EMC1: variants seen among roughly 807,000 people sequenced by gnomAD.
EMC1 encodes the protein ER membrane protein complex subunit 1, also known as KIAA0090.
Under a neutral mutation model 128.8 loss-of-function variants are expected in EMC1, and 103 were observed. That is an observed-to-expected ratio of 0.80 (90% confidence interval 0.68 to 0.94). The LOEUF (loss-of-function observed/expected upper bound fraction) is 0.94. Ranked by LOEUF, EMC1 falls within the 40% of genes least tolerant of loss-of-function variation. The pLI, the probability that EMC1 is intolerant of heterozygous loss-of-function variation, is 0.00. For synonymous variants in EMC1, 442 were observed against 490.4 expected (o/e 0.90, Z 1.30); for missense variants, 1,083 against 1,250.6 (o/e 0.87, Z 2.02).
intron 21 of EMC1, 121 bp from the exon 22 acceptor site, chr1:19,219,819 T>C (rs2093417833): frequency 9.1e-7 from 1 of 1,099,740 alleles, no homozygotes; most frequent in Non-Finnish European, 1.3e-6. Context: ...TCCTAGGAGG[T>C]CTGCTTGCAT....
chr1:19,233,175 G>C, intron 13 of EMC1, 40 bp from the exon 14 acceptor site: 1 of 1,555,758 alleles, frequency 6.4e-7, no homozygotes, highest in Non-Finnish European at 8.8e-7. Context: ...CATCAGACTA[G>C]GGGTCCATAA....
rs1035699101 is a variant in EMC1, at chr1:19,231,393, G to A, written c.1812C>T (p.Phe604=). 1.2e-6 allele frequency: 2 copies of A among 1,612,464 alleles called. No individual in the cohort carries two copies. The highest frequency in any genetic ancestry group is 1.3e-5 in the African/African-American group (1 of 74,882). ...GACTCCACTTCCCAAAAATGGGATT[G>A]AAGACATACAGAGAACTCATTCCCG... ...KESGMSSLYV[F]NPIFGKWSQV... Residue 604 remains phenylalanine, a synonymous_variant, in exon 16 of 23, where the codon TTC becomes TTT. Coordinates refer to ENST00000477853, the MANE Select transcript of EMC1 (RefSeq NM_015047.3).
Position 19,222,791 on chromosome 1 carries a change from A to G in EMC1, c.2420T>C (p.Val807Ala), listed in dbSNP as rs543457208. 4 of 1,613,740 alleles carry G rather than the reference A, an allele frequency of 2.5e-6. No homozygotes were observed. The African/African-American group carries it at 4.0e-5, about 16-fold the overall frequency. The change falls in exon 20 of 23, where the codon GTA becomes GCA. Residue 807 changes from valine (V) to alanine (A), a missense_variant. Val to Ala is a moderately conservative substitution (Grantham distance 64, BLOSUM62 0). This residue lies in a region of EMC1 where 527 missense variants were observed against 644.1 expected (regional missense o/e 0.82). Coordinates refer to ENST00000477853, the MANE Select transcript of EMC1 (RefSeq NM_015047.3). ...CTCAGTGCCCTCATAGAGCTCCAGT[A>G]CGGTAAACTCGTTGCGCCGAGCCTT... ...NTKARRNEFT[V>A]LELYEGTEQY...
In EMC1 at chr1:19,218,387, T is replaced by C. The variant is rs1410375479; in HGVS notation, c.*916A>G. 1 of 152,134 alleles carries C rather than the reference T, an allele frequency of 6.6e-6. No individual in the cohort carries two copies. The highest frequency in any genetic ancestry group is 1.5e-5 in the Non-Finnish European group (1 of 68,030). 9.4% of individuals were successfully genotyped at this position (152,134 alleles called of 1,614,324 possible). ...AAATTTCCTCATTTAAGGAGAAATATAATGACCCACATGTTAATTTATATT... is the reference window on the plus strand; with the variant it reads ...AAATTTCCTCATTTAAGGAGAAATACAATGACCCACATGTTAATTTATATT... On this transcript the variant is annotated 3_prime_UTR_variant, in exon 23 of 23. Transcript: ENST00000477853.
chr1:19,243,745 T>G, intron 3 of EMC1, 38 bp from the exon 4 acceptor site: 2 of 1,600,346 alleles, frequency 1.2e-6, no homozygotes, highest in African/African-American at 1.3e-5. Flanking sequence ...CATTTCCCAC[T>G]TGCTCTGTCG....
At chr1:19,233,370 G>T (rs1241363929) in intron 13 of EMC1, among the ~76,000 whole-genome samples, 1 of 152,158 alleles carries the variant, frequency 6.6e-6, no homozygotes, top group Non-Finnish European at 1.5e-5. Flanking sequence ...AACCCAGCTG[G>T]AATCTTGGAA....
At chr1:19,231,884 A>G (rs896373830) in intron 15 of EMC1, among the ~76,000 whole-genome samples, 2 of 152,098 alleles carry the variant, frequency 1.3e-5, no homozygotes, top group African/African-American at 4.8e-5. Context: ...TGGCCTCCCA[A>G]AGTGCTGAGA....
chr1:19,232,599 C>T (rs765663930), intron 15 of EMC1, 25 bp downstream of exon 15: 7 of 1,613,460 alleles, frequency 4.3e-6, no homozygotes, highest in Admixed American at 1.7e-5. Flanking sequence ...CTGAGTCTGG[C>T]TCAAGTCAGA....
Position 19,219,332 on chromosome 1 carries a change from C to T in EMC1, c.2953G>A (p.Val985Met), listed in dbSNP as rs1196521236. Residue 985 changes from valine to methionine, a missense_variant, in exon 23 of 23, where the codon GTG (valine) becomes ATG (methionine). Val to Met is a conservative substitution (Grantham distance 21). Coordinates refer to ENST00000477853, the MANE Select transcript of EMC1 (RefSeq NM_015047.3). ...CGCCAGGCCCGATTCAGGAGCTTCA[C>T]CTGTGCCAGTCTCTTAGTGATCATG... ...ATMITKRLAQ[V>M]KLLNRAWR 1 of 1,614,084 alleles carries T rather than the reference C, an allele frequency of 6.2e-7. No individual in the cohort carries two copies. Among genetic ancestry groups the T allele is most frequent in the South Asian group, 1.1e-5 (1 of 91,080 alleles).
chr1:19,247,387 C>T (rs1218001958), intron 1 of EMC1, among the ~76,000 whole-genome samples: 2 of 152,172 alleles, frequency 1.3e-5, no homozygotes, highest in African/African-American at 4.8e-5. Context: ...CACTGCAAAA[C>T]AATGTTTCAG....
intron 1 of EMC1, 76 bp from the exon 2 acceptor site, chr1:19,245,106 C>G (rs2151963953): frequency 6.6e-7 from 1 of 1,508,796 alleles, no homozygotes; most frequent in Non-Finnish European, 9.2e-7. Flanking sequence ...AAAAAAATCA[C>G]AGGGCTATCA....
At chr1:19,232,505 C>G (rs1288226622) in intron 15 of EMC1, 119 bp downstream of exon 15, 7 of 1,150,790 alleles carry the variant, frequency 6.1e-6, no homozygotes, top group Non-Finnish European at 7.6e-6. Flanking sequence ...AAACAGAGTT[C>G]TAACCCCTGA....
rs575389606 is a variant in EMC1, at chr1:19,237,472, G to A, written c.1213-234C>T. Among the ~76,000 whole-genome samples, 12 of 152,244 alleles carry A rather than the reference G, an allele frequency of 7.9e-5. No individual in the cohort carries two copies. The East Asian group carries it at 1.2e-3, about 15-fold the overall frequency. On this transcript the variant is annotated intron_variant, in intron 11 of 22. Coordinates refer to ENST00000477853, the MANE Select transcript of EMC1 (RefSeq NM_015047.3). ...CCATGGAAGAACCTGAGTACTCCAC[G>A]GGTACCACGCCATTCATCCATGCTC...
At chr1:19,236,988 A>AAAAAG (rs2093570021) in intron 12 of EMC1, among the ~76,000 whole-genome samples, 154 bp downstream of exon 12, 1 of 151,722 alleles carries the variant, frequency 6.6e-6, no homozygotes, top group East Asian at 1.9e-4. Context: ...AAAAAAAAAA[A>AAAAAG]AAAGCAGGTG....
intron 6 of EMC1, 42 bp downstream of exon 6, chr1:19,240,974 C>T (rs191316056): frequency 1.2e-6 from 2 of 1,605,716 alleles, no homozygotes; most frequent in East Asian, 2.2e-5. Flanking sequence ...CAAGTCTCCC[C>T]CAACCCCACC....
At position 19,240,345 on chromosome 1, in the gene EMC1, T is replaced by G. The variant is rs1224971006; in HGVS notation, c.738A>C (p.Gln246His). 5 of 1,614,124 alleles carry G rather than the reference T, an allele frequency of 3.1e-6. No individual in the cohort carries two copies. The Admixed American group carries it at 8.3e-5, about 27-fold the overall frequency. ...VCPDPSSRSL[Q>H]TLALETEWEL... ...CCCATTCCGTCTCCAGAGCCAAAGT[T>G]TGGAGGGAACGTGAGCTCGGGTCAG... The change falls in exon 7 of 23, where the codon CAA (glutamine) becomes CAC (histidine). Residue 246 changes from glutamine to histidine, a missense_variant. Around this residue, in one of 3 missense-constraint regions of EMC1, gnomAD observed 544 missense variants for 572.4 expected, o/e 0.95. Coordinates refer to ENST00000477853, the MANE Select transcript of EMC1 (RefSeq NM_015047.3).
chr1:19,245,109 G>C, intron 1 of EMC1, 79 bp from the exon 2 acceptor site: 1 of 1,490,842 alleles, frequency 6.7e-7, no homozygotes, highest in East Asian at 2.3e-5. Flanking sequence ...AAAATCACAG[G>C]GCTATCACCA....
Position 19,219,459 on chromosome 1 carries a change from A to C in EMC1, c.2826T>G (p.Ile942Met). 6.2e-7 allele frequency: 1 copy of C among 1,613,978 alleles called. No homozygotes were observed. The highest frequency in any genetic ancestry group is 8.5e-7 in the Non-Finnish European group (1 of 1,179,998). The stretch of plus-strand genomic sequence containing the variant: ...TGGATGGGTAGACTCGAGTTTGGTA[A>C]ATGTCCAAACCATAGGCCACAACCT... ...TCLVVAYGLDIYQTRVYPSKQ... is the reference protein window; with the variant it reads ...TCLVVAYGLDMYQTRVYPSKQ... The change falls in exon 23 of 23, where the codon ATT (isoleucine) becomes ATG (methionine). Residue 942 changes from isoleucine (I) to methionine (M), a missense_variant. Around this residue, in one of 3 missense-constraint regions of EMC1, gnomAD observed 527 missense variants for 644.1 expected, o/e 0.82. Coordinates refer to ENST00000477853, the MANE Select transcript of EMC1 (RefSeq NM_015047.3).
At chr1:19,223,947 C>T (rs1348566654) in intron 18 of EMC1, among the ~76,000 whole-genome samples, 1 of 152,168 alleles carries the variant, frequency 6.6e-6, no homozygotes, top group Non-Finnish European at 1.5e-5. Flanking sequence ...TGATATTTTT[C>T]TTCTGAGGGT....
Sources: allele counts gnomAD v4.1 joint callset (sites outside exome capture counted in the v4.1 genomes callset), GRCh38; gene constraint gnomAD v4.1.1; regional missense constraint gnomAD v4.1.1; transcripts MANE v1.5; gene names NCBI Gene and HGNC (gene_info 2026-07-23, HGNC 2026-07-21).